Variants in CDH13 observed in about 807,000 individuals in gnomAD.
The protein encoded by CDH13 is cadherin 13.
A neutral mutation model predicts 63.8 loss-of-function variants in CDH13; 24 were observed. The observed-to-expected ratio is 0.38, with a 90% CI of 0.27 to 0.53. The LOEUF is 0.53. CDH13 is among the 20% of genes least tolerant of loss of function. CDH13 has a pLI of 0.85. For synonymous variants in CDH13, 503 were observed against 355.3 expected, an observed-to-expected ratio of 1.42 and a Z score of -4.67; for missense variants, 1,049 against 903.1, an observed-to-expected ratio of 1.16 and a Z score of -2.07.
At chr16:83,046,081 C>T (rs188339188) in intron 3 of CDH13, among the ~76,000 whole-genome samples, 1 of 152,270 alleles carries the variant, frequency 6.6e-6, no homozygotes, top group Admixed American at 6.5e-5. Flanking sequence ...TTAAGCAAAG[C>T]CAAGTCTAGT....
chr16:83,600,409 C>T (rs1446285209), intron 7 of CDH13, among the ~76,000 whole-genome samples: 1 of 152,172 alleles, frequency 6.6e-6, no homozygotes, highest in Non-Finnish European at 1.5e-5. Context: ...AAAATAGTAG[C>T]TCAGAAACCA....
At chr16:82,699,083 A>G (rs999934471) in intron 1 of CDH13, among the ~76,000 whole-genome samples, 1 of 152,184 alleles carries the variant, frequency 6.6e-6, no homozygotes, top group South Asian at 2.1e-4. Context: ...AATAATATAC[A>G]ATATTCTGTT....
At chr16:82,783,689 C>T (rs934048989) in intron 1 of CDH13, among the ~76,000 whole-genome samples, 11 of 152,212 alleles carry the variant, frequency 7.2e-5, no homozygotes, top group Admixed American at 3.9e-4. Flanking sequence ...GAGGACTTCT[C>T]GGCTACATAT....
At chr16:83,737,091 T>C (rs1911610490) in intron 10 of CDH13, among the ~76,000 whole-genome samples, 1 of 152,234 alleles carries the variant, frequency 6.6e-6, no homozygotes, top group Non-Finnish European at 1.5e-5. Flanking sequence ...GGCGTTTGTC[T>C]GCAGGCACGC....
In CDH13 at chr16:83,257,250, G is replaced by C. The variant is rs530057448; in HGVS notation, c.636+39753G>C. 8.6e-5 allele frequency among the ~76,000 whole-genome samples: 13 copies of C among 151,750 alleles called. No individual in the cohort carries two copies. In the East Asian group the frequency reaches 2.3e-3, roughly 27 times the overall value. On this transcript the variant is annotated intron_variant, in intron 5 of 13. Transcript: ENST00000567109. ...AGAATATACACAGGCGAAGAGGAGAGAAAGCGACGGTGAGCTTGAAAGGTT... is the reference window on the plus strand; with the variant it reads ...AGAATATACACAGGCGAAGAGGAGACAAAGCGACGGTGAGCTTGAAAGGTT...
chr16:82,754,346 A>T (rs756813427), intron 1 of CDH13, among the ~76,000 whole-genome samples: 8 of 152,196 alleles, frequency 5.3e-5, no homozygotes, highest in Non-Finnish European at 1.2e-4. Context: ...ATGATTGTTG[A>T]ATGAATAACC....
At chr16:83,633,212 A>G (rs762606159) in intron 8 of CDH13, among the ~76,000 whole-genome samples, 5 of 151,824 alleles carry the variant, frequency 3.3e-5, no homozygotes, top group African/African-American at 4.9e-5. Flanking sequence ...AATGCAACCC[A>G]GTAGGTCTCA....
At chr16:82,736,050 C>A (rs970777371) in intron 1 of CDH13, among the ~76,000 whole-genome samples, 31 of 152,216 alleles carry the variant, frequency 2.0e-4, no homozygotes, top group Non-Finnish European at 3.1e-4. Flanking sequence ...AAAAGCGATT[C>A]ATGAAAAACC....
chr16:83,760,682 T>C (rs1420176199), intron 11 of CDH13, among the ~76,000 whole-genome samples: 4 of 152,232 alleles, frequency 2.6e-5, no homozygotes, highest in African/African-American at 9.6e-5. Context: ...GGTTTCTTGA[T>C]CTGGTAGTAC....
intron 7 of CDH13, among the ~76,000 whole-genome samples, chr16:83,512,675 A>G: frequency 6.7e-6 from 1 of 149,956 alleles, no homozygotes; most frequent in Non-Finnish European, 1.5e-5. Flanking sequence ...CTCAATAATA[A>G]TAATAATAAT....
intron 6 of CDH13, among the ~76,000 whole-genome samples, chr16:83,405,952 C>A (rs2092036347): frequency 6.6e-6 from 1 of 152,226 alleles, no homozygotes; most frequent in South Asian, 2.1e-4. Context: ...GTTTGATGTC[C>A]TTGAGCCACA....
intron 8 of CDH13, among the ~76,000 whole-genome samples, chr16:83,636,811 T>C (rs1911305956): frequency 6.6e-6 from 1 of 152,170 alleles, no homozygotes; most frequent in South Asian, 2.1e-4. Context: ...GTGCTTCAAC[T>C]CTTAGGTCTT....
intron 2 of CDH13, among the ~76,000 whole-genome samples, chr16:82,905,737 A>G (rs767406703): frequency 2.0e-4 from 30 of 152,244 alleles, no homozygotes; most frequent in Non-Finnish European, 4.0e-4. Context: ...TGTAATCAAT[A>G]TGATAAATTA....
chr16:83,796,698 G>T lies in CDH13; in HGVS notation c.*1668G>T, dbSNP rs1203866088. On this transcript the variant is annotated 3_prime_UTR_variant, in exon 14 of 14. Transcript: ENST00000567109. ...TTCACATTTTTGACAGACCATTTGG[G>T]GTCCGTCGTACATCTCTGGTTGGTG... 2 of 152,040 alleles carry T rather than the reference G, an allele frequency of 1.3e-5. No homozygotes were observed. Among genetic ancestry groups the T allele is most frequent in the Non-Finnish European group, 2.9e-5 (2 of 68,010 alleles). 9.4% of individuals were successfully genotyped at this position (152,040 alleles called of 1,614,324 possible).
At position 82,958,439 on chromosome 16, in the gene CDH13, C is replaced by G. The variant is rs141995339; in HGVS notation, c.158-73571C>G. On this transcript the variant is annotated intron_variant, in intron 2 of 13. Coordinates refer to ENST00000567109, the MANE Select transcript of CDH13 (RefSeq NM_001257.5). ...TAATGGAAAGGACCCAGTGATGGTC[C>G]AGTGTCAGGGAGATGGCCCAGATAG... Among the ~76,000 whole-genome samples, 764 of 152,188 alleles carry G rather than the reference C, an allele frequency of 5.0e-3. 8 individuals carry two copies. The highest frequency in any genetic ancestry group is 0.018 in the African/African-American group (738 of 41,514).
At chr16:82,706,706 A>G (rs1207145964) in intron 1 of CDH13, among the ~76,000 whole-genome samples, 1 of 151,914 alleles carries the variant, frequency 6.6e-6, no homozygotes, top group Non-Finnish European at 1.5e-5. Flanking sequence ...TGGAAGGCTA[A>G]GAAAGGAGAA....
chr16:83,129,642 G>A (rs1157071072), intron 4 of CDH13, among the ~76,000 whole-genome samples: 1 of 152,182 alleles, frequency 6.6e-6, no homozygotes, highest in East Asian at 1.9e-4. Context: ...AGCAGTCACT[G>A]GTGGAGGGCC....
intron 5 of CDH13, among the ~76,000 whole-genome samples, chr16:83,309,238 TA>T (rs1236877775): frequency 6.6e-6 from 1 of 152,216 alleles, no homozygotes; most frequent in Non-Finnish European, 1.5e-5. Context: ...TTGCAATGAC[TA>T]AGGTGGAAAT....
At chr16:82,776,041 C>T (rs2035480318) in intron 1 of CDH13, among the ~76,000 whole-genome samples, 1 of 152,166 alleles carries the variant, frequency 6.6e-6, no homozygotes, top group Non-Finnish European at 1.5e-5. Context: ...AAAACACTCT[C>T]TCTCCTAAAA....
Sources: allele counts gnomAD v4.1 joint callset (sites outside exome capture counted in the v4.1 genomes callset), GRCh38; gene constraint gnomAD v4.1.1; transcripts MANE v1.5; gene names NCBI Gene and HGNC (gene_info 2026-07-23, HGNC 2026-07-21).